Variants in UGT1A9 observed in about 807,000 individuals in gnomAD.
UGT1A9 encodes UDP glucuronosyltransferase family 1 member A9, also known as UDP-glucuronosyltransferase 1A9.
UGT1A9 carries 35 observed loss-of-function variants against 45.0 expected under a neutral mutation model. That is an observed-to-expected ratio of 0.78 (90% confidence interval 0.59 to 1.03). UGT1A9 has a LOEUF of 1.03. Among genes scored for constraint, UGT1A9 ranks in the 50% least tolerant of loss-of-function variants. UGT1A9 has a pLI of 0.00. For missense variants in UGT1A9, 687 were observed against 666.6 expected (o/e 1.03, Z -0.34); for synonymous variants, 278 against 250.6 (o/e 1.11, Z -1.03).
At chr2:233,743,967 C>T in intron 1 of UGT1A9, 2 of 1,326,686 alleles carry the variant, frequency 1.5e-6, no homozygotes, top group Non-Finnish European at 2.0e-6. Flanking sequence ...AGCGGCAAGG[C>T]TGCCAGCACC....
intron 1 of UGT1A9, among the ~76,000 whole-genome samples, chr2:233,727,889 C>A (rs906385439): frequency 1.3e-5 from 2 of 152,172 alleles, no homozygotes; most frequent in African/African-American, 4.8e-5. Flanking sequence ...CAATGGCAGA[C>A]ACGGCCAGGC....
At chr2:233,695,151 G>C (rs1363691382) in intron 1 of UGT1A9, among the ~76,000 whole-genome samples, 1 of 74,088 alleles carries the variant, frequency 1.3e-5, no homozygotes, top group Non-Finnish European at 2.9e-5. Flanking sequence ...TTTTGAGACA[G>C]AGTCTCACTC....
At chr2:233,742,161 C>A (rs1479905655) in intron 1 of UGT1A9, among the ~76,000 whole-genome samples, 2 of 151,932 alleles carry the variant, frequency 1.3e-5, no homozygotes, top group African/African-American at 2.4e-5. Context: ...ATTAAAGACA[C>A]ACACACAGAA....
chr2:233,718,143 A>G (rs1479667470), intron 1 of UGT1A9: 3 of 227,078 alleles, frequency 1.3e-5, no homozygotes, highest in Non-Finnish European at 2.8e-5. Flanking sequence ...AGAATCCTCA[A>G]TAAAGCCTTC....
intron 1 of UGT1A9, among the ~76,000 whole-genome samples, chr2:233,700,363 T>G (rs1575468060): frequency 6.6e-6 from 1 of 152,184 alleles, no homozygotes; most frequent in East Asian, 1.9e-4. Context: ...TTATGGCTGA[T>G]TATCTGGGGC....
chr2:233,739,424 C>T lies in UGT1A9; in HGVS notation c.856-27610C>T, dbSNP rs531347929. Among the ~76,000 whole-genome samples, 15 of 152,298 alleles carry T rather than the reference C, an allele frequency of 9.8e-5. No homozygotes were observed. In the South Asian group the frequency reaches 1.7e-3, roughly 17 times the overall value. ...TGCCACCCTCTGAAAGCAGCCAGGA[C>T]GAGGGCTTTACCCTGCAAAGCCACA... On this transcript the variant is annotated intron_variant, in intron 1 of 4. Transcript: ENST00000354728.
rs45569333 is a variant in UGT1A9, at chr2:233,718,151, T to A, written c.855+45362T>A. The A allele has an allele frequency of 1.8e-4, 44 of 241,004 alleles. No individual in the cohort carries two copies. The East Asian group carries it at 3.7e-3, about 20-fold the overall frequency. The allele number at this position is 241,004 out of a possible 1,614,324, so 14.9% of individuals were successfully genotyped here. ...TAGATGGAGAATCCTCAATAAAGCC[T>A]TCCCAAGAATATGATCATCACATCT... On this transcript the variant is annotated intron_variant, in intron 1 of 4. Transcript: ENST00000354728.
chr2:233,690,627 A>G (rs1452524634), intron 1 of UGT1A9: 2 of 1,288,586 alleles, frequency 1.6e-6, no homozygotes, highest in Non-Finnish European at 2.0e-6. Context: ...CACTCAAGTG[A>G]TACCTGAGGA....
At chr2:233,742,015 A>G (rs1575645503) in intron 1 of UGT1A9, 3 of 151,866 alleles carry the variant, frequency 2.0e-5, no homozygotes, top group African/African-American at 4.9e-5. Context: ...GCTTTCATCA[A>G]CCTAATTTGA....
At chr2:233,704,946 G>C (rs141742828) in intron 1 of UGT1A9, among the ~76,000 whole-genome samples, 231 of 152,194 alleles carry the variant, frequency 1.5e-3, no homozygotes, top group African/African-American at 5.5e-3. Flanking sequence ...GACCAGCCTG[G>C]CCAACATGGT....
Position 233,772,398 on chromosome 2 carries a change from C to T in UGT1A9, c.1432C>T (p.Leu478Phe), listed in dbSNP as rs1433976375. 2.5e-6 allele frequency: 4 copies of T among 1,614,118 alleles called. No homozygotes were observed. The highest frequency in any genetic ancestry group is 3.4e-6 in the Non-Finnish European group (4 of 1,180,050). Residue 478 changes from leucine to phenylalanine, a missense_variant, in exon 5 of 5, where the codon CTC (leucine) becomes TTC (phenylalanine). Physicochemically the swap from Leu to Phe is conservative, Grantham distance 22. Transcript: ENST00000354728. Reference protein sequence around the residue: ...APHLRPAAHDLTWYQYHSLDV... With the variant: ...APHLRPAAHDFTWYQYHSLDV... The stretch of plus-strand genomic sequence containing the variant: ...ACACCTGCGCCCCGCAGCCCACGAC[C>T]TCACCTGGTACCAGTACCATTCCTT...
intron 1 of UGT1A9, among the ~76,000 whole-genome samples, chr2:233,750,313 G>A (rs771839306): frequency 6.6e-6 from 1 of 151,862 alleles, no homozygotes; most frequent in Non-Finnish European, 1.5e-5. Context: ...AGAGATCTGT[G>A]GAACTTTGAA....
rs368511777 is a variant in UGT1A9 at position 233,719,318 on chromosome 2, G to A, written c.855+46529G>A. 1.9e-5 allele frequency: 30 copies of A among 1,613,836 alleles called. No individual in the cohort carries two copies. In the East Asian group the frequency reaches 2.5e-4, roughly 13 times the overall value. On this transcript the variant is annotated intron_variant, in intron 1 of 4. Transcript: ENST00000354728. ...GGGCGGTGCTGGCTAAGTACCTGTC[G>A]ATTCCTGCTGTGTTTTTTTGGAGGT...
intron 1 of UGT1A9, chr2:233,693,086 A>G (rs571652417): frequency 6.2e-7 from 1 of 1,614,176 alleles, no homozygotes; most frequent in South Asian, 1.1e-5. Flanking sequence ...TGTAGGTGAC[A>G]AGCTGCTGGT....
intron 1 of UGT1A9, among the ~76,000 whole-genome samples, chr2:233,676,331 A>G (rs1352144662): frequency 6.6e-6 from 1 of 152,202 alleles, no homozygotes; most frequent in Non-Finnish European, 1.5e-5. Flanking sequence ...TTTTCTTACA[A>G]ATACTTCATT....
At chr2:233,705,348 T>G (rs1375360519) in intron 1 of UGT1A9, among the ~76,000 whole-genome samples, 1 of 152,240 alleles carries the variant, frequency 6.6e-6, no homozygotes, top group Non-Finnish European at 1.5e-5. Context: ...TTTTGTCTTA[T>G]TACATGGGGT....
intron 1 of UGT1A9, among the ~76,000 whole-genome samples, chr2:233,744,391 C>A (rs1383619511): frequency 6.6e-6 from 1 of 151,826 alleles, no homozygotes; most frequent in Non-Finnish European, 1.5e-5. Flanking sequence ...ACGTTCCAGC[C>A]CCGGTGCCCA....
In UGT1A9 at chr2:233,772,387, C is replaced by T; in HGVS notation, c.1421C>T (p.Ala474Val). The stretch of plus-strand genomic sequence containing the variant: ...AAGGGCGCGCCACACCTGCGCCCCG[C>T]AGCCCACGACCTCACCTGGTACCAG... ...RHKGAPHLRPAAHDLTWYQYH... is the reference protein window; with the variant it reads ...RHKGAPHLRPVAHDLTWYQYH... Residue 474 changes from alanine to valine, a missense_variant, in exon 5 of 5, where the codon GCA (alanine) becomes GTA (valine). Physicochemically the swap from Ala to Val is moderately conservative, Grantham distance 64. Coordinates refer to ENST00000354728, the MANE Select transcript of UGT1A9 (RefSeq NM_021027.3). The T allele has an allele frequency of 6.2e-7, 1 of 1,614,274 alleles. No homozygotes were observed. The highest frequency in any genetic ancestry group is 1.1e-5 in the South Asian group (1 of 91,092).
chr2:233,713,150 G>C (rs190570057), intron 1 of UGT1A9: 82 of 1,614,120 alleles, frequency 5.1e-5, no homozygotes, highest in Non-Finnish European at 6.3e-5. Flanking sequence ...ACCTCCATGC[G>C]AGAGGCCACC....
Sources: allele counts gnomAD v4.1 joint callset (sites outside exome capture counted in the v4.1 genomes callset), GRCh38; gene constraint gnomAD v4.1.1; transcripts MANE v1.5; gene names NCBI Gene and HGNC (gene_info 2026-07-23, HGNC 2026-07-21).